Variants in PTPRD observed in about 807,000 individuals in gnomAD.
PTPRD encodes protein tyrosine phosphatase receptor type D.
A neutral mutation model predicts 214.5 loss-of-function variants in PTPRD; 34 were observed. The observed-to-expected ratio is 0.16, with a 90% CI of 0.12 to 0.21. The LOEUF (loss-of-function observed/expected upper bound fraction) is 0.21, where lower values mean the gene tolerates loss of function less well. Ranked by LOEUF, PTPRD falls within the 10% of genes least tolerant of loss-of-function variation. The pLI, the probability that PTPRD is intolerant of heterozygous loss-of-function variation, is 1.00. For synonymous variants in PTPRD, 1,128 were observed against 845.7 expected, an observed-to-expected ratio of 1.33 and a Z score of -5.79; for missense variants, 2,545 against 2,398.7, an observed-to-expected ratio of 1.06 and a Z score of -1.27.
At chr9:10,357,562 G>A (rs1419775819) in intron 2 of PTPRD, among the ~76,000 whole-genome samples, 1 of 152,156 alleles carries the variant, frequency 6.6e-6, no homozygotes, top group Non-Finnish European at 1.5e-5. Context: ...GCAGAACTTG[G>A]CACATAGTAA....
intron 36 of PTPRD, among the ~76,000 whole-genome samples, chr9:8,391,938 T>C (rs538300732): frequency 8.5e-5 from 13 of 152,098 alleles, no homozygotes; most frequent in African/African-American, 3.1e-4. Context: ...TTTTGCATAC[T>C]GCCCAAGTTT....
chr9:10,232,116 A>C (rs1334794227), intron 3 of PTPRD, among the ~76,000 whole-genome samples: 1 of 150,704 alleles, frequency 6.6e-6, no homozygotes, highest in East Asian at 2.0e-4. Context: ...ACCTTCTATC[A>C]TATTTTGCCC....
At chr9:8,904,390 G>A (rs1003330818) in intron 11 of PTPRD, among the ~76,000 whole-genome samples, 2 of 152,106 alleles carry the variant, frequency 1.3e-5, no homozygotes, top group African/African-American at 4.8e-5. Flanking sequence ...TCACACATTA[G>A]GCCAGATGCA....
At chr9:10,582,319 T>G (rs1405622216) in intron 2 of PTPRD, among the ~76,000 whole-genome samples, 1 of 152,162 alleles carries the variant, frequency 6.6e-6, no homozygotes, top group Non-Finnish European at 1.5e-5. Flanking sequence ...CCTTTTCTCT[T>G]TTAGCTCTGC....
intron 7 of PTPRD, among the ~76,000 whole-genome samples, chr9:9,696,455 A>G (rs368018365): frequency 6.6e-6 from 1 of 151,910 alleles, no homozygotes; most frequent in Non-Finnish European, 1.5e-5. Context: ...TAGATCTATT[A>G]ATGTTTGCTT....
At chr9:10,579,542 G>A (rs961077241) in intron 2 of PTPRD, among the ~76,000 whole-genome samples, 2 of 152,124 alleles carry the variant, frequency 1.3e-5, no homozygotes, top group Non-Finnish European at 2.9e-5. Flanking sequence ...TTGGTTCCAT[G>A]TCTTTTCTAT....
rs574309265 is a variant in PTPRD at position 10,565,020 on chromosome 9, C to A, written c.-600+47378G>T. On this transcript the variant is annotated intron_variant, in intron 2 of 45. Transcript: ENST00000381196. ...CTTTCTAGGCCTCTAATTTTCTAAT[C>A]AATTACATGAAGGAATTCCTAATGT... Among the ~76,000 whole-genome samples the A allele has an allele frequency of 5.9e-5, 9 of 152,106 alleles. No individual in the cohort carries two copies. In the East Asian group the frequency reaches 1.7e-3, roughly 29 times the overall value.
intron 9 of PTPRD, among the ~76,000 whole-genome samples, chr9:9,245,415 T>G (rs71497131): frequency 6.6e-6 from 1 of 152,120 alleles, no homozygotes; most frequent in African/African-American, 2.4e-5. Flanking sequence ...GTGGCACATA[T>G]ACACCACGGA....
intron 2 of PTPRD, among the ~76,000 whole-genome samples, chr9:10,348,469 A>C (rs2097127902): frequency 6.6e-6 from 1 of 152,198 alleles, no homozygotes; most frequent in Non-Finnish European, 1.5e-5. Context: ...TACGTGGTGC[A>C]CATCAACACT....
intron 14 of PTPRD, among the ~76,000 whole-genome samples, chr9:8,621,229 G>GT (rs755853580): frequency 3.3e-5 from 5 of 151,768 alleles, no homozygotes; most frequent in Non-Finnish European, 5.9e-5. Flanking sequence ...TATGGCAAGA[G>GT]TTTGGTGGGG....
intron 10 of PTPRD, among the ~76,000 whole-genome samples, chr9:9,137,363 T>A (rs1484257645): frequency 6.6e-6 from 1 of 152,150 alleles, no homozygotes. Context: ...AAACCTTAAT[T>A]GAGTAGATGC....
intron 5 of PTPRD, among the ~76,000 whole-genome samples, chr9:9,782,495 A>G (rs756373355): frequency 5.9e-5 from 9 of 152,212 alleles, no homozygotes; most frequent in African/African-American, 1.2e-4. Context: ...TTAACTGAGG[A>G]AAGAATATTT....
intron 11 of PTPRD, among the ~76,000 whole-genome samples, chr9:8,936,624 A>T (rs2154290595): frequency 6.6e-6 from 1 of 152,192 alleles, no homozygotes; most frequent in Middle Eastern, 3.4e-3. Flanking sequence ...ATTTACAGGG[A>T]ATAGAAACAA....
In PTPRD at chr9:8,911,264, G is replaced by A. The variant is rs147615065; in HGVS notation, c.-104+107433C>T. On this transcript the variant is annotated intron_variant, in intron 11 of 45. Transcript: ENST00000381196. ...AAGAGACATATAGACCATTAGAACC[G>A]AAGTGAGACTCCAGAAATAAACCCT... Among the ~76,000 whole-genome samples the A allele has an allele frequency of 6.8e-4, 104 of 152,268 alleles. 1 individual carries two copies. The highest frequency in any genetic ancestry group is 1.2e-3 in the South Asian group (6 of 4,818).
chr9:9,325,754 C>A (rs9407414), intron 9 of PTPRD, among the ~76,000 whole-genome samples: 131,804 of 152,088 alleles, frequency 0.87, 57,482 homozygotes, highest in East Asian at 1. Context: ...TGAGAGAGGG[C>A]ATCCCTGTCT....
intron 3 of PTPRD, among the ~76,000 whole-genome samples, chr9:10,216,607 AATG>A (rs2099542245): frequency 6.6e-6 from 1 of 152,006 alleles, no homozygotes; most frequent in African/African-American, 2.4e-5. Context: ...AAATGCATAC[AATG>A]ATGTTTCTCC....
chr9:10,311,673 G>A (rs1284690679), intron 3 of PTPRD, among the ~76,000 whole-genome samples: 1 of 151,962 alleles, frequency 6.6e-6, no homozygotes, highest in Non-Finnish European at 1.5e-5. Context: ...AAACAGAAAA[G>A]TTAGCATATT....
chr9:8,755,528 T>TTA (rs2093925937), intron 11 of PTPRD, among the ~76,000 whole-genome samples: 1 of 119,582 alleles, frequency 8.4e-6, no homozygotes, highest in African/African-American at 4.4e-5. Flanking sequence ...AAACTCTGTC[T>TTA]CAAAAAAAAA....
At chr9:10,183,096 G>A (rs1291759029) in intron 3 of PTPRD, among the ~76,000 whole-genome samples, 1 of 152,052 alleles carries the variant, frequency 6.6e-6, no homozygotes, top group Non-Finnish European at 1.5e-5. Flanking sequence ...GAGTTGTTAT[G>A]GATTTTAACT....
Sources: allele counts gnomAD v4.1 joint callset (sites outside exome capture counted in the v4.1 genomes callset), GRCh38; gene constraint gnomAD v4.1.1; transcripts MANE v1.5; gene names NCBI Gene and HGNC (gene_info 2026-07-23, HGNC 2026-07-21).